Variants in CFAP74 observed in about 807,000 individuals in gnomAD.
CFAP74 encodes the protein cilia and flagella associated protein 74.
In CFAP74, 124 loss-of-function variants were observed where a neutral mutation model predicts 188.9. That is an observed-to-expected ratio of 0.66 (90% CI 0.57 to 0.76). CFAP74 has a LOEUF of 0.76. Ranked by LOEUF, CFAP74 falls within the 30% of genes least tolerant of loss-of-function variation. CFAP74 has a pLI of 0.00. For missense variants in CFAP74, 2,198 were observed against 2,165.2 expected (o/e 1.02, Z -0.30); for synonymous variants, 956 against 916.7 (o/e 1.04, Z -0.77).
Position 1,972,717 on chromosome 1 carries a change from G to A in CFAP74, c.785+220C>T, listed in dbSNP as rs141899364. On this transcript the variant is annotated intron_variant, in intron 8 of 38. Transcript: ENST00000682832. The stretch of plus-strand genomic sequence containing the variant: ...AAAAATTAGCCGGGCATGGTGGCGC[G>A]TGCCTGTAATCCCAGCTACTCAGGA... Among the ~76,000 whole-genome samples, 879 of 152,286 alleles carry A rather than the reference G, an allele frequency of 5.8e-3. 22 individuals carry two copies. In the East Asian group the frequency reaches 0.086, roughly 15 times the overall value.
intron 5 of CFAP74, 59 bp downstream of exon 5, chr1:1,986,878 G>T: frequency 6.9e-7 from 1 of 1,451,172 alleles, no homozygotes; most frequent in Non-Finnish European, 9.5e-7. Context: ...GGGTGAACCA[G>T]TGAACCTCCG....
chr1:1,993,352 A>C (rs181047387), intron 1 of CFAP74, among the ~76,000 whole-genome samples: 3 of 151,788 alleles, frequency 2.0e-5, no homozygotes, highest in Non-Finnish European at 4.4e-5. Flanking sequence ...TGGTGCGATC[A>C]CAGCTCACTG....
chr1:1,981,157 T>A (rs952808423), intron 6 of CFAP74, among the ~76,000 whole-genome samples: 3 of 152,224 alleles, frequency 2.0e-5, no homozygotes, highest in African/African-American at 7.2e-5. Context: ...GCTCTACCGC[T>A]GGAAGCCCCC....
intron 14 of CFAP74, among the ~76,000 whole-genome samples, chr1:1,961,109 G>C (rs909690282): frequency 6.6e-6 from 1 of 152,128 alleles, no homozygotes; most frequent in African/African-American, 2.4e-5. Flanking sequence ...GACAAGTGGT[G>C]AACCGAGCAG....
intron 14 of CFAP74, among the ~76,000 whole-genome samples, chr1:1,962,170 T>C (rs554009708): frequency 2.6e-5 from 4 of 152,302 alleles, no homozygotes; most frequent in African/African-American, 7.2e-5. Flanking sequence ...GAAAGAACTT[T>C]CTTAAAAATA....
rs989351012 is a variant in CFAP74, at chr1:1,930,091, G to A, written c.3257C>T (p.Ser1086Leu). The A allele has an allele frequency of 2.2e-5, 33 of 1,532,388 alleles. No homozygotes were observed. In the Admixed American group the frequency reaches 5.1e-4, roughly 24 times the overall value. 94.9% of individuals were successfully genotyped at this position (1,532,388 alleles called of 1,614,324 possible). A position where few individuals can be genotyped will look rare whatever the true frequency, so the allele number is the denominator to read the frequency against. ...TGGCCACACGGTCCCCACTGAGGGCGAGATGGTGATAGGCGAGTCTGGGGG... is the reference window on the plus strand; with the variant it reads ...TGGCCACACGGTCCCCACTGAGGGCAAGATGGTGATAGGCGAGTCTGGGGG... The part of the protein sequence containing the change: ...LLPPDSPITI[S>L]PSVGTVWPGK... The change falls in exon 26 of 39, where the codon TCG becomes TTG. Residue 1086 changes from serine to leucine, a missense_variant. Ser to Leu is a moderately radical substitution (Grantham distance 145). Transcript: ENST00000682832.
chr1:1,926,490 G>A lies in CFAP74; in HGVS notation c.3795C>T (p.Ile1265=), dbSNP rs1298817845. 42 of 1,550,092 alleles carry A rather than the reference G, an allele frequency of 2.7e-5. No homozygotes were observed. Among genetic ancestry groups the A allele is most frequent in the Non-Finnish European group, 3.4e-5 (39 of 1,146,918 alleles). Residue 1265 remains isoleucine, a synonymous_variant, in exon 31 of 39, where the codon ATC becomes ATT. Coordinates refer to ENST00000682832, the MANE Select transcript of CFAP74 (RefSeq NM_001304360.2). ...CCTCGGGAGAGACGTTCTGGATGGA[G>A]ATCTTCTTGATACTGCGGTGCCCTG... is the stretch of plus-strand genomic sequence containing the variant. The part of the protein sequence containing the change: ...VAVGHRSIKK[I]SIQNVSPEDL...
At chr1:1,963,890 C>T (rs1297933968) in intron 13 of CFAP74, 23 bp from the exon 14 acceptor site, 2 of 1,517,536 alleles carry the variant, frequency 1.3e-6, no homozygotes, top group East Asian at 2.3e-5. Context: ...GAGGTAGCAG[C>T]TTCAGAGCGG....
Position 1,923,239 on chromosome 1 carries a change from G to A in CFAP74, c.4523-94C>T. 6.7e-7 allele frequency: 1 copy of A among 1,494,808 alleles called. No homozygotes were observed. 92.6% of individuals were successfully genotyped at this position (1,494,808 alleles called of 1,614,324 possible). A position where few individuals can be genotyped will look rare whatever the true frequency, so the allele number is the denominator to read the frequency against. ...TCCTGAACTCTGGTTAGCAGTGGCTGTCCTGCTTGGCTCTGGGGTAGAAGG... is the reference window on the plus strand; with the variant it reads ...TCCTGAACTCTGGTTAGCAGTGGCTATCCTGCTTGGCTCTGGGGTAGAAGG... On this transcript the variant is annotated intron_variant, in intron 36 of 38. Coordinates refer to ENST00000682832, the MANE Select transcript of CFAP74 (RefSeq NM_001304360.2). The surrounding 1 kb of genome is among the most constrained non-coding windows in gnomAD (Gnocchi z 6.3).
chr1:1,974,446 G>A (rs189429917), intron 6 of CFAP74, among the ~76,000 whole-genome samples: 12 of 152,198 alleles, frequency 7.9e-5, no homozygotes, highest in African/African-American at 2.7e-4. Flanking sequence ...GCACTCCCGC[G>A]TGCCACCTGC....
intron 19 of CFAP74, among the ~76,000 whole-genome samples, chr1:1,946,664 C>G (rs1185486086): frequency 6.6e-6 from 1 of 152,170 alleles, no homozygotes; most frequent in African/African-American, 2.4e-5. Context: ...TCCTCCACAT[C>G]CTCCCCCTGC....
At chr1:1,994,576 TTGAA>T (rs1205409183) in intron 1 of CFAP74, among the ~76,000 whole-genome samples, 1 of 152,236 alleles carries the variant, frequency 6.6e-6, no homozygotes, top group African/African-American at 2.4e-5. Context: ...CTGCTAGTCT[TTGAA>T]TGGCAGGATT....
chr1:1,978,196 T>C (rs1656573009), intron 6 of CFAP74, among the ~76,000 whole-genome samples: 1 of 152,228 alleles, frequency 6.6e-6, no homozygotes, highest in African/African-American at 2.4e-5. Flanking sequence ...GACATGTTCT[T>C]CATTATGGCT....
intron 6 of CFAP74, among the ~76,000 whole-genome samples, chr1:1,982,010 C>CG (rs1385586628): frequency 4.4e-5 from 6 of 137,508 alleles, no homozygotes; most frequent in African/African-American, 1.4e-4. Context: ...TGGACAGACA[C>CG]GGGGACACGC....
intron 6 of CFAP74, among the ~76,000 whole-genome samples, chr1:1,974,671 A>G (rs1656323140): frequency 6.6e-6 from 1 of 152,220 alleles, no homozygotes; most frequent in Non-Finnish European, 1.5e-5. Context: ...CCGGGGCCAC[A>G]TGTCCTGGAT....
chr1:1,938,380 G>A (rs529725572), intron 25 of CFAP74, among the ~76,000 whole-genome samples: 3 of 149,232 alleles, frequency 2.0e-5, no homozygotes, highest in East Asian at 2.0e-4. Context: ...ACCCACCTAC[G>A]TGTACTCACA....
chr1:1,922,876 G>T, intron 37 of CFAP74, 109 bp downstream of exon 37: 1 of 1,492,058 alleles, frequency 6.7e-7, no homozygotes. Context: ...GAAAAGCCCG[G>T]CTGTCAGGAC....
intron 25 of CFAP74, among the ~76,000 whole-genome samples, chr1:1,932,244 A>G (rs1652469364): frequency 6.6e-6 from 1 of 151,338 alleles, no homozygotes; most frequent in Admixed American, 6.6e-5. Context: ...AAAATACACA[A>G]AAATTAGCCA....
chr1:1,935,963 A>G (rs1039273762), intron 25 of CFAP74, among the ~76,000 whole-genome samples: 1 of 152,046 alleles, frequency 6.6e-6, no homozygotes, highest in African/African-American at 2.4e-5. Context: ...CATGCCTGTA[A>G]TCCCAGCACT....
Sources: allele counts gnomAD v4.1 joint callset (sites outside exome capture counted in the v4.1 genomes callset), GRCh38; gene constraint gnomAD v4.1.1; non-coding constraint Gnocchi (gnomAD v3.1); transcripts MANE v1.5; gene names NCBI Gene and HGNC (gene_info 2026-07-23, HGNC 2026-07-21).